Variants in CEP85L observed in about 807,000 individuals in gnomAD.
The protein encoded by CEP85L is centrosomal protein 85L, also known as centrosomal protein of 85 kDa-like.
CEP85L carries 60 observed loss-of-function variants against 100.3 expected under a neutral mutation model. The ratio of observed to expected loss-of-function variants is 0.60; its 90% CI spans 0.49 to 0.74. The LOEUF (loss-of-function observed/expected upper bound fraction) is 0.74. Among genes scored for constraint, CEP85L ranks in the 30% least tolerant of loss-of-function variants. The pLI, the probability that CEP85L is intolerant of heterozygous loss-of-function variation, is 0.00. For synonymous variants in CEP85L, 319 were observed against 322.7 expected (o/e 0.99, Z 0.12); for missense variants, 973 against 936.2 (o/e 1.04, Z -0.51).
intron 2 of CEP85L, among the ~76,000 whole-genome samples, chr6:118,616,571 C>G (rs1042295708): frequency 2.7e-5 from 4 of 150,198 alleles, no homozygotes; most frequent in African/African-American, 9.8e-5. Flanking sequence ...TGGGAGGGAA[C>G]CTGTGCTCTG....
At chr6:118,686,389 C>T (rs543573170) in intron 1 of CEP85L, among the ~76,000 whole-genome samples, 2 of 152,184 alleles carry the variant, frequency 1.3e-5, no homozygotes, top group Admixed American at 1.3e-4. Flanking sequence ...GTTCTCACTC[C>T]CAGTCCCAGG....
rs1286100590 is a variant in CEP85L at position 118,523,793 on chromosome 6, T to C, written c.1139+9A>G. 1.6e-6 allele frequency: 2 copies of C among 1,287,478 alleles called. No homozygotes were observed. The highest frequency in any genetic ancestry group is 2.3e-5 in the East Asian group (1 of 42,978). The allele number at this position is 1,287,478 out of a possible 1,614,324, so 79.8% of individuals were successfully genotyped here. On this transcript the variant is annotated intron_variant, in intron 4 of 12. Coordinates refer to ENST00000368491, the MANE Select transcript of CEP85L (RefSeq NM_001042475.3). ...GCCTGAAATATTTAATAATTTAAAA[T>C]AGACTCACCGATCGATTACAATTTC...
At chr6:118,575,277 A>C (rs767184303) in intron 2 of CEP85L, among the ~76,000 whole-genome samples, 9 of 152,142 alleles carry the variant, frequency 5.9e-5, no homozygotes, top group Non-Finnish European at 1.3e-4. Context: ...TGAAAGCACC[A>C]AACATAAAAA....
intron 3 of CEP85L, among the ~76,000 whole-genome samples, chr6:118,550,080 T>C (rs1157732576): frequency 1.3e-5 from 2 of 151,834 alleles, no homozygotes; most frequent in Non-Finnish European, 1.5e-5. Context: ...GGAAAAAATA[T>C]GAAAGATGTT....
chr6:118,594,881 C>CAAAACA (rs1781383935), intron 2 of CEP85L, among the ~76,000 whole-genome samples: 2 of 134,916 alleles, frequency 1.5e-5, no homozygotes, highest in Non-Finnish European at 3.2e-5. Flanking sequence ...CAAAACAAAA[C>CAAAACA]AAAAAAAAAA....
chr6:118,659,234 T>A (rs1775892761), intron 1 of CEP85L, among the ~76,000 whole-genome samples: 1 of 152,206 alleles, frequency 6.6e-6, no homozygotes, highest in Admixed American at 6.5e-5. Flanking sequence ...GAATTACTGA[T>A]GAACAAAGCA....
At chr6:118,620,302 T>G (rs1037895460) in intron 2 of CEP85L, among the ~76,000 whole-genome samples, 1 of 152,064 alleles carries the variant, frequency 6.6e-6, no homozygotes, top group African/African-American at 2.4e-5. Context: ...GTGACCTTGG[T>G]GTTCTATAAA....
intron 8 of CEP85L, 143 bp downstream of exon 8, chr6:118,481,636 G>C: frequency 2.1e-6 from 1 of 471,682 alleles, no homozygotes; most frequent in Non-Finnish European, 3.6e-6. Context: ...CCTGGTCACA[G>C]GCAGTTTGGA....
intron 2 of CEP85L, among the ~76,000 whole-genome samples, chr6:118,631,667 T>C (rs1301968929): frequency 4.6e-5 from 7 of 152,188 alleles, no homozygotes; most frequent in Non-Finnish European, 7.3e-5. Flanking sequence ...TGTTGATACA[T>C]GTAACAACTG....
At chr6:118,486,115 T>C (rs1582890401) in intron 6 of CEP85L, among the ~76,000 whole-genome samples, 1 of 152,226 alleles carries the variant, frequency 6.6e-6, no homozygotes, top group East Asian at 1.9e-4. Context: ...ATGTTGATCA[T>C]ACATATTCAT....
At chr6:118,697,272 A>G (rs917132264) in intron 1 of CEP85L, among the ~76,000 whole-genome samples, 1 of 152,136 alleles carries the variant, frequency 6.6e-6, no homozygotes, top group African/African-American at 2.4e-5. Flanking sequence ...TTGACAACCA[A>G]TGTTGTCACA....
chr6:118,573,348 C>A (rs1026430082), intron 2 of CEP85L, among the ~76,000 whole-genome samples: 9 of 152,084 alleles, frequency 5.9e-5, no homozygotes, highest in Admixed American at 4.6e-4. Context: ...ACTGTCTTTC[C>A]AGATAGAAAA....
chr6:118,538,154 C>T (rs928552425), intron 3 of CEP85L: 1 of 175,132 alleles, frequency 5.7e-6, no homozygotes. Flanking sequence ...TCTCTAACAA[C>T]AACAAAAAAA....
intron 3 of CEP85L, among the ~76,000 whole-genome samples, chr6:118,529,625 AAAAAAAAAAAATTCTTACT>A (rs1425128782): frequency 1.5e-5 from 2 of 136,264 alleles, no homozygotes; most frequent in Admixed American, 1.5e-4. Context: ...AAAAAAAAAA[AAAAAAAAAAAATTCTTACT>A]AGTATCAATT....
intron 3 of CEP85L, among the ~76,000 whole-genome samples, chr6:118,547,030 G>T (rs1388382351): frequency 6.6e-6 from 1 of 152,030 alleles, no homozygotes; most frequent in East Asian, 1.9e-4. Flanking sequence ...CCATTTAAGG[G>T]CATGTAAGCA....
chr6:118,475,777 G>GT (rs536494485), intron 10 of CEP85L, among the ~76,000 whole-genome samples: 85 of 152,222 alleles, frequency 5.6e-4, no homozygotes, highest in African/African-American at 2.0e-3. Context: ...TGACACCTAA[G>GT]TATCTCAGAA....
chr6:118,558,386 T>A (rs1030935828), intron 3 of CEP85L, among the ~76,000 whole-genome samples: 6 of 152,156 alleles, frequency 3.9e-5, no homozygotes, highest in Non-Finnish European at 5.9e-5. Flanking sequence ...TATAGGAACT[T>A]AACTCTTGTT....
chr6:118,478,733 T>G (rs930954935), intron 10 of CEP85L, among the ~76,000 whole-genome samples: 15 of 152,130 alleles, frequency 9.9e-5, no homozygotes, highest in African/African-American at 3.4e-4. Context: ...TAATTGCATA[T>G]TCTTCTACAT....
chr6:118,538,741 G>T (rs1562241799), intron 3 of CEP85L, among the ~76,000 whole-genome samples: 1 of 151,928 alleles, frequency 6.6e-6, no homozygotes, highest in Admixed American at 6.6e-5. Flanking sequence ...AACAAATGAA[G>T]CTTAAGTATT....
Sources: gnomAD v4.1 joint callset for allele counts (sites outside exome capture counted in the v4.1 genomes callset) on GRCh38, gnomAD v4.1.1 for gene constraint, MANE v1.5 for transcripts, NCBI Gene and HGNC (gene_info 2026-07-23, HGNC 2026-07-21) for gene names.